Variants in SYT1 observed in about 807,000 individuals in gnomAD.
SYT1 encodes the protein synaptotagmin 1, also known as synaptotagmin-1.
SYT1 carries 8 observed loss-of-function variants against 44.8 expected under a neutral mutation model. The ratio of observed to expected loss-of-function variants is 0.18; its 90% CI spans 0.10 to 0.32. The LOEUF is 0.32. Ranked by LOEUF, SYT1 falls within the 10% of genes least tolerant of loss-of-function variation. The probability of loss-of-function intolerance (pLI) is 1.00; values close to 1 mark genes in which losing one functional copy is unlikely to be tolerated. For synonymous variants in SYT1, 154 were observed against 188.8 expected, an observed-to-expected ratio of 0.82 and a Z score of 1.51; for missense variants, 286 against 509.3, an observed-to-expected ratio of 0.56 and a Z score of 4.22.
intron 1 of SYT1, among the ~76,000 whole-genome samples, chr12:78,942,466 C>A (rs1365586654): frequency 1.3e-5 from 2 of 152,166 alleles, no homozygotes; most frequent in African/African-American, 2.4e-5. Flanking sequence ...TCCTCCCCAA[C>A]AACCCCAAAT....
intron 3 of SYT1, among the ~76,000 whole-genome samples, chr12:79,112,048 A>G (rs563444287): frequency 1.3e-5 from 2 of 152,016 alleles, no homozygotes; most frequent in Admixed American, 1.3e-4. Flanking sequence ...AACACAAAGA[A>G]CTGCAATTCA....
At position 79,126,451 on chromosome 12, in the gene SYT1, G is replaced by A. The variant is rs193088713; in HGVS notation, c.-18+79089G>A. Among the ~76,000 whole-genome samples the A allele has an allele frequency of 3.0e-3, 457 of 152,146 alleles. 1 individual carries two copies. The highest frequency in any genetic ancestry group is 0.017 in the Middle Eastern group (5 of 294). ...AATTTTTGTATTTTTAGTAGAGACG[G>A]GATTTCACCATGTTGGCCAGGATGG... is the stretch of plus-strand genomic sequence containing the variant. On this transcript the variant is annotated intron_variant, in intron 3 of 10. Transcript: ENST00000261205.
intron 3 of SYT1, among the ~76,000 whole-genome samples, chr12:79,133,050 T>C (rs1868951516): frequency 6.6e-6 from 1 of 152,082 alleles, no homozygotes. Context: ...GTTTCTCTCA[T>C]GGAGGAAGAG....
chr12:79,346,275 G>A (rs116534343), intron 8 of SYT1, among the ~76,000 whole-genome samples: 1,661 of 152,138 alleles, frequency 0.011, 27 homozygotes, highest in African/African-American at 0.036. Flanking sequence ...TATTTTTGTC[G>A]TTGTCTAGTA....
intron 3 of SYT1, among the ~76,000 whole-genome samples, chr12:79,073,223 T>C (rs1348003839): frequency 6.6e-6 from 1 of 152,080 alleles, no homozygotes; most frequent in Non-Finnish European, 1.5e-5. Flanking sequence ...CACCTCAGCC[T>C]CCCTAGTAGC....
intron 3 of SYT1, among the ~76,000 whole-genome samples, chr12:79,199,306 A>G (rs1445873931): frequency 2.6e-5 from 4 of 152,078 alleles, no homozygotes; most frequent in Non-Finnish European, 5.9e-5. Context: ...GCTGGCTGAA[A>G]TTTTTACTTG....
intron 2 of SYT1, among the ~76,000 whole-genome samples, chr12:79,003,266 A>T (rs1207190538): frequency 1.3e-5 from 2 of 151,860 alleles, no homozygotes; most frequent in African/African-American, 4.8e-5. Flanking sequence ...TCCTAGACCT[A>T]GTCCCTTGGA....
At chr12:79,276,437 A>C (rs530805248) in intron 4 of SYT1, among the ~76,000 whole-genome samples, 103 of 152,128 alleles carry the variant, frequency 6.8e-4, no homozygotes, top group African/African-American at 2.4e-3. Flanking sequence ...CAGCACTTTG[A>C]GAGGCCAAGG....
In SYT1 at chr12:79,285,849, T is replaced by G; in HGVS notation, c.229T>G (p.Phe77Val). The G allele has an allele frequency of 6.2e-7, 1 of 1,613,900 alleles. No individual in the cohort carries two copies. Among genetic ancestry groups the G allele is most frequent in the African/African-American group, 1.3e-5 (1 of 75,030 alleles). The change falls in exon 5 of 11, where the codon TTT (phenylalanine) becomes GTT (valine). Residue 77 changes from phenylalanine (F) to valine (V), a missense_variant. Transcript: ENST00000261205. The part of the protein sequence containing the change: ...VAVLLVLTCC[F>V]CICKKCLFKK... The stretch of plus-strand genomic sequence containing the variant: ...AGTCCTTTTAGTCCTGACCTGCTGC[T>G]TTTGTATCTGTAAGAAATGTTTGTT...
chr12:78,879,946 C>A (rs760351810), intron 1 of SYT1, among the ~76,000 whole-genome samples: 18 of 151,608 alleles, frequency 1.2e-4, no homozygotes, highest in Non-Finnish European at 2.4e-4. Context: ...TGGTTAAATT[C>A]TATGCAGCCT....
intron 1 of SYT1, among the ~76,000 whole-genome samples, chr12:78,885,892 A>G (rs1207179435): frequency 6.6e-6 from 1 of 151,992 alleles, no homozygotes; most frequent in Non-Finnish European, 1.5e-5. Context: ...GGGAATTTGG[A>G]CTTTGTTGGC....
At position 78,867,646 on chromosome 12, in the gene SYT1, A is replaced by G. The variant is rs576333162; in HGVS notation, c.-217+2537A>G. Among the ~76,000 whole-genome samples the G allele has an allele frequency of 4.6e-5, 7 of 152,124 alleles. No homozygotes were observed. In the South Asian group the frequency reaches 6.2e-4, roughly 13 times the overall value. ...ATTTTTGTCAGAATTGAAGACTGCT[A>G]ATATATAGGGAAAATCCTAAAATAC... On this transcript the variant is annotated intron_variant, in intron 1 of 10. Transcript: ENST00000261205.
intron 2 of SYT1, among the ~76,000 whole-genome samples, chr12:79,039,418 G>A (rs59929060): frequency 0.014 from 2,112 of 151,994 alleles, 51 homozygotes; most frequent in African/African-American, 0.047. Flanking sequence ...TCAGATAGAT[G>A]ATGGAAGGTG....
chr12:78,948,007 G>A (rs1227853307), intron 1 of SYT1, among the ~76,000 whole-genome samples: 2 of 151,748 alleles, frequency 1.3e-5, no homozygotes, highest in Non-Finnish European at 2.9e-5. Context: ...AAGAAAAATA[G>A]ATATATTGCA....
At chr12:78,994,511 G>T (rs1342822034) in intron 2 of SYT1, among the ~76,000 whole-genome samples, 2 of 129,188 alleles carry the variant, frequency 1.5e-5, no homozygotes. Flanking sequence ...CTTTTCGCTT[G>T]GTGAGCATCC....
intron 1 of SYT1, among the ~76,000 whole-genome samples, chr12:78,937,898 G>T (rs1878148705): frequency 6.6e-6 from 1 of 152,182 alleles, no homozygotes; most frequent in African/African-American, 2.4e-5. Context: ...ATGCTGCTTA[G>T]GGTAATTAGG....
At chr12:79,215,671 A>G (rs1330481107) in intron 3 of SYT1, among the ~76,000 whole-genome samples, 1 of 152,106 alleles carries the variant, frequency 6.6e-6, no homozygotes, top group Non-Finnish European at 1.5e-5. Flanking sequence ...TCTCCAGCCT[A>G]ACAACAGAGC....
In SYT1 at chr12:79,217,596, C is replaced by A. The variant is rs770913928; in HGVS notation, c.77C>A (p.Ala26Asp). The A allele has an allele frequency of 6.2e-7, 1 of 1,612,908 alleles. No homozygotes were observed. The stretch of plus-strand genomic sequence containing the variant: ...GTCGCGACTGTTCTGCCAAGCAACG[C>A]CACAGAGCCAGCCAGTCCTGGAGAA... ...TTVATVLPSNATEPASPGEGK... is the reference protein window; with the variant it reads ...TTVATVLPSNDTEPASPGEGK... Residue 26 changes from alanine (A) to aspartate (D), a missense_variant, in exon 4 of 11, where the codon GCC (alanine) becomes GAC (aspartate). Physicochemically the swap from Ala to Asp is moderately radical, Grantham distance 126. Coordinates refer to ENST00000261205, the MANE Select transcript of SYT1 (RefSeq NM_005639.3).
At chr12:79,364,362 A>G (rs1484327224) in intron 9 of SYT1, among the ~76,000 whole-genome samples, 2 of 152,130 alleles carry the variant, frequency 1.3e-5, no homozygotes, top group African/African-American at 4.8e-5. Flanking sequence ...TCAAGGGAAA[A>G]AGTAAAGACA....
Sources: allele counts gnomAD v4.1 joint callset (sites outside exome capture counted in the v4.1 genomes callset), GRCh38; gene constraint gnomAD v4.1.1; transcripts MANE v1.5; gene names NCBI Gene and HGNC (gene_info 2026-07-23, HGNC 2026-07-21).